The following ENTHD1 variants were observed in gnomAD, a reference collection of about 807,000 sequenced individuals.
ENTHD1 encodes ENTH domain-containing protein 1.
A neutral mutation model predicts 39.1 loss-of-function variants in ENTHD1; 23 were observed. The ratio of observed to expected loss-of-function variants is 0.59; its 90% CI spans 0.42 to 0.83. The LOEUF (loss-of-function observed/expected upper bound fraction) is 0.83. ENTHD1 is among the 40% of genes least tolerant of loss of function. The pLI is 0.00. For missense variants in ENTHD1, 624 were observed against 705.4 expected, an observed-to-expected ratio of 0.88 and a Z score of 1.31; for synonymous variants, 230 against 258.2, an observed-to-expected ratio of 0.89 and a Z score of 1.05.
In ENTHD1 at chr22:39,869,866, A is replaced by T. The variant is rs80340906; in HGVS notation, c.350-7859T>A. Among the ~76,000 whole-genome samples, 311 of 152,172 alleles carry T rather than the reference A, an allele frequency of 2.0e-3. 1 individual carries two copies. Among genetic ancestry groups the T allele is most frequent in the African/African-American group, 7.4e-3 (307 of 41,572 alleles). On this transcript the variant is annotated intron_variant, in intron 2 of 6. Transcript: ENST00000325157. ...GAACAGATGGATATGAAAAAAATCA[A>T]TTAAAATCCTAGAAATGAAAACTAC...
At chr22:39,747,290 T>G (rs989361111) in intron 6 of ENTHD1, among the ~76,000 whole-genome samples, 2 of 152,114 alleles carry the variant, frequency 1.3e-5, no homozygotes, top group Non-Finnish European at 2.9e-5. Context: ...CCCCCTCAAA[T>G]AGTTGTTTTT....
intron 5 of ENTHD1, among the ~76,000 whole-genome samples, chr22:39,794,092 C>T (rs1601598265): frequency 2.0e-5 from 3 of 152,254 alleles, no homozygotes; most frequent in Middle Eastern, 3.4e-3. Context: ...AATCTATAAG[C>T]GTTGGATGTC....
At chr22:39,877,821 T>C (rs2066304127) in intron 2 of ENTHD1, among the ~76,000 whole-genome samples, 1 of 152,122 alleles carries the variant, frequency 6.6e-6, no homozygotes, top group African/African-American at 2.4e-5. Context: ...ATCTGGAAGA[T>C]CAGTAAGCCT....
chr22:39,834,251 A>C (rs1275765965), intron 4 of ENTHD1, among the ~76,000 whole-genome samples: 1 of 152,210 alleles, frequency 6.6e-6, no homozygotes, highest in Non-Finnish European at 1.5e-5. Flanking sequence ...AAGAACTTAT[A>C]TCCAGAATAT....
At chr22:39,757,441 TA>T (rs1201326785) in intron 6 of ENTHD1, among the ~76,000 whole-genome samples, 1 of 151,610 alleles carries the variant, frequency 6.6e-6, no homozygotes, top group African/African-American at 2.4e-5. Flanking sequence ...AGGCTAAATT[TA>T]AAAAAAATTA....
At position 39,784,525 on chromosome 22, in the gene ENTHD1, G is replaced by GCT. The variant is rs148124035; in HGVS notation, c.833-18918_833-18917dup. Among the ~76,000 whole-genome samples the GCT allele has an allele frequency of 3.3e-3, 469 of 141,562 alleles. 3 individuals carry two copies. The highest frequency in any genetic ancestry group is 0.011 in the African/African-American group (424 of 37,026). 92.9% of individuals were successfully genotyped at this position (141,562 alleles called of 152,430 possible). On this transcript the variant is annotated intron_variant, in intron 5 of 6. Transcript: ENST00000325157. ...TGCCCACCAATGATGAAGAAAATGCGCTCTCTCTCTCTCTGTATACACACA... is the reference window on the plus strand; with the variant it reads ...TGCCCACCAATGATGAAGAAAATGCGCTCTCTCTCTCTCTCTGTATACACACA...
intron 5 of ENTHD1, among the ~76,000 whole-genome samples, chr22:39,771,512 CAG>C (rs1172969131): frequency 6.6e-6 from 1 of 151,998 alleles, no homozygotes; most frequent in African/African-American, 2.4e-5. Context: ...CAAAAAAACT[CAG>C]AGAAAACCAT....
chr22:39,786,013 C>G (rs1374513050), intron 5 of ENTHD1, among the ~76,000 whole-genome samples: 1 of 152,162 alleles, frequency 6.6e-6, no homozygotes, highest in East Asian at 1.9e-4. Context: ...GGCTTTTAAA[C>G]TGATCCACTT....
chr22:39,844,650 G>T (rs1050756737), intron 3 of ENTHD1, among the ~76,000 whole-genome samples: 1 of 152,022 alleles, frequency 6.6e-6, no homozygotes, highest in Admixed American at 6.6e-5. Flanking sequence ...AATAACTGGT[G>T]GCCAAGCAAA....
At chr22:39,857,589 C>T (rs996468202) in intron 3 of ENTHD1, among the ~76,000 whole-genome samples, 3 of 151,894 alleles carry the variant, frequency 2.0e-5, no homozygotes, top group Non-Finnish European at 2.9e-5. Flanking sequence ...TTCACCAGGC[C>T]AAGTTTGCTC....
At chr22:39,755,697 G>A (rs755366283) in intron 6 of ENTHD1, among the ~76,000 whole-genome samples, 1 of 152,152 alleles carries the variant, frequency 6.6e-6, no homozygotes, top group Non-Finnish European at 1.5e-5. Flanking sequence ...GTTAGGATGG[G>A]ACTGAGGTTC....
intron 6 of ENTHD1, among the ~76,000 whole-genome samples, chr22:39,751,622 C>G (rs2065147951): frequency 1.3e-5 from 2 of 152,114 alleles, no homozygotes; most frequent in South Asian, 4.1e-4. Context: ...GCCTTTGAAT[C>G]TTTTAAAAAT....
At chr22:39,792,921 T>C (rs9941972) in intron 5 of ENTHD1, among the ~76,000 whole-genome samples, 15,500 of 152,202 alleles carry the variant, frequency 0.1, 927 homozygotes, top group Middle Eastern at 0.14. Context: ...TTTGATATAA[T>C]GATTTTCTTG....
At chr22:39,778,516 T>A (rs1324579539) in intron 5 of ENTHD1, among the ~76,000 whole-genome samples, 1 of 152,190 alleles carries the variant, frequency 6.6e-6, no homozygotes, top group Non-Finnish European at 1.5e-5. Flanking sequence ...TTAAATATCA[T>A]TTCGATCATA....
At chr22:39,866,367 G>A (rs1161552827) in intron 2 of ENTHD1, among the ~76,000 whole-genome samples, 1 of 152,156 alleles carries the variant, frequency 6.6e-6, no homozygotes, top group African/African-American at 2.4e-5. Context: ...AAAAAGACAA[G>A]GTCCCTGCAC....
rs529547940 is a variant in ENTHD1, at chr22:39,810,705, G to C, written c.832+10288C>G. 2.6e-5 allele frequency among the ~76,000 whole-genome samples: 4 copies of C among 152,330 alleles called. 1 individual carries two copies. The South Asian group carries it at 8.3e-4, about 32-fold the overall frequency. On this transcript the variant is annotated intron_variant, in intron 5 of 6. Coordinates refer to ENST00000325157, the MANE Select transcript of ENTHD1 (RefSeq NM_152512.4). ...CGGTAGATTATTGCAAATATAATCA[G>C]GTGATGGTACCATGCATAGCTATAG...
chr22:39,804,844 T>C (rs920256229), intron 5 of ENTHD1, among the ~76,000 whole-genome samples: 1 of 152,140 alleles, frequency 6.6e-6, no homozygotes, highest in African/African-American at 2.4e-5. Context: ...TAGACTCGTA[T>C]GTAACAGATA....
chr22:39,818,726 A>C (rs1309727231), intron 5 of ENTHD1, among the ~76,000 whole-genome samples: 1 of 152,212 alleles, frequency 6.6e-6, no homozygotes, highest in Non-Finnish European at 1.5e-5. Context: ...TGCAGAAATG[A>C]ATGACTTAAA....
chr22:39,793,305 A>G (rs1310327578), intron 5 of ENTHD1, among the ~76,000 whole-genome samples: 1 of 145,836 alleles, frequency 6.9e-6, no homozygotes, highest in East Asian at 2.0e-4. Context: ...ATGTCTAATC[A>G]TGTCCCTTGC....
Sources: allele counts gnomAD v4.1 joint callset (sites outside exome capture counted in the v4.1 genomes callset), GRCh38; gene constraint gnomAD v4.1.1; transcripts MANE v1.5; gene names NCBI Gene and HGNC (gene_info 2026-07-23, HGNC 2026-07-21).